The following PHPT1 variants were observed in gnomAD, a reference collection of about 807,000 sequenced individuals.
PHPT1 encodes 14 kDa phosphohistidine phosphatase.
PHPT1 carries 16 observed loss-of-function variants against 15.6 expected under a neutral mutation model. The observed-to-expected ratio is 1.03, with a 90% CI of 0.70 to 1.56. The LOEUF (loss-of-function observed/expected upper bound fraction) is 1.56. Among genes scored for constraint, PHPT1 ranks in the 40% most tolerant of loss-of-function variants. The pLI is 0.00. For synonymous variants in PHPT1, 102 were observed against 68.1 expected, an observed-to-expected ratio of 1.50 and a Z score of -2.45; for missense variants, 228 against 171.0, an observed-to-expected ratio of 1.33 and a Z score of -1.86.
chr9:136,850,922 G>A lies in PHPT1; in HGVS notation c.*75G>A, dbSNP rs1167033525. 8.8e-7 allele frequency: 1 copy of A among 1,136,722 alleles called. No homozygotes were observed. Among genetic ancestry groups the A allele is most frequent in the Admixed American group, 1.7e-5 (1 of 59,380 alleles). The allele number at this position is 1,136,722 out of a possible 1,614,324, so 70.4% of individuals were successfully genotyped here. ...CGCCTTTGCCTGCACTCCTCTTGCA[G>A]GGCTGGCCCTGCCTGCTCCTGCGGC... On this transcript the variant is annotated 3_prime_UTR_variant, in exon 3 of 3. Transcript: ENST00000247665.
intron 2 of PHPT1, chr9:136,850,443 GCAGT>G: frequency 6.9e-7 from 1 of 1,447,682 alleles, no homozygotes; most frequent in South Asian, 1.2e-5. Flanking sequence ...GCCCCCAGAG[GCAGT>G]CAGTACCTGG....
chr9:136,849,748 C>T (rs1383664700), intron 1 of PHPT1, 158 bp downstream of exon 1: 2 of 805,490 alleles, frequency 2.5e-6, no homozygotes, highest in Non-Finnish European at 3.7e-6. Flanking sequence ...GAGTCCTGCC[C>T]CTGCTAGGTT....
intron 1 of PHPT1, 34 bp downstream of exon 1, chr9:136,849,624 C>G (rs780766429): frequency 8.1e-7 from 1 of 1,240,344 alleles, no homozygotes; most frequent in East Asian, 5.2e-5. Context: ...GCCAGGGGCA[C>G]GCCTGGCGAG....
chr9:136,850,336 G>A (rs917846933), intron 2 of PHPT1, 199 bp downstream of exon 2: 1 of 846,678 alleles, frequency 1.2e-6, no homozygotes, highest in Non-Finnish European at 1.9e-6. Flanking sequence ...GACCTGAGGG[G>A]TGGGACGGAC....
At chr9:136,850,733 G>T (rs1011928156) in intron 2 of PHPT1, 22 bp from the exon 3 acceptor site, 15 of 1,597,846 alleles carry the variant, frequency 9.4e-6, no homozygotes, top group Non-Finnish European at 1.3e-5. Flanking sequence ...GGTAGTGCCA[G>T]CAGGCGTCTT....
chr9:136,849,838 C>A, intron 1 of PHPT1, 175 bp from the exon 2 acceptor site: 1 of 778,058 alleles, frequency 1.3e-6, no homozygotes, highest in East Asian at 2.6e-5. Context: ...TTCCCGCGCC[C>A]TCCCCGGTTC....
rs1848900417 is a variant in PHPT1, at chr9:136,850,857, G to C, written c.*10G>C. On this transcript the variant is annotated 3_prime_UTR_variant, in exon 3 of 3. Transcript: ENST00000247665. ...TAACGACGGCTACTGAGCACTCCCA[G>C]CCCGGGGCCTGCTGCCTCCAGCAGC... The C allele has an allele frequency of 1.8e-5, 29 of 1,605,760 alleles. No individual in the cohort carries two copies. The highest frequency in any genetic ancestry group is 2.5e-5 in the Non-Finnish European group (29 of 1,173,632).
At chr9:136,850,717 G>A (rs1564382767) in intron 2 of PHPT1, 38 bp from the exon 3 acceptor site, 2 of 1,560,958 alleles carry the variant, frequency 1.3e-6, no homozygotes, top group Admixed American at 1.7e-5. Context: ...CGGGTTGAAG[G>A]GTCCAGGTAG....
At chr9:136,850,475 C>T in intron 2 of PHPT1, 3 of 1,596,986 alleles carry the variant, frequency 1.9e-6, no homozygotes, top group Non-Finnish European at 2.6e-6. Flanking sequence ...TCAGAGTCCC[C>T]ACCTGTGCTC....
At chr9:136,850,213 AC>A in intron 2 of PHPT1, 76 bp downstream of exon 2, 2 of 1,591,848 alleles carry the variant, frequency 1.3e-6, no homozygotes, top group Non-Finnish European at 1.7e-6. Flanking sequence ...TGCTGCCCTG[AC>A]CCGTGGCCCC....
Position 136,850,112 on chromosome 9 carries a change from A to T in PHPT1, c.260A>T (p.Lys87Met). The T allele has an allele frequency of 6.2e-7, 1 of 1,613,192 alleles. No individual in the cohort carries two copies. The highest frequency in any genetic ancestry group is 8.5e-7 in the Non-Finnish European group (1 of 1,179,904). The change falls in exon 2 of 3, where the codon AAG becomes ATG. Residue 87 changes from lysine (K) to methionine (M), a missense_variant. Coordinates refer to ENST00000247665, the MANE Select transcript of PHPT1 (RefSeq NM_014172.6). ...ATCTCCCACCAGAGTCAGGACAAGA[A>T]GATTCACGTGTACGGCTATTCCATG... is the stretch of plus-strand genomic sequence containing the variant. ...GRISHQSQDK[K>M]IHVYGYSMAY...
chr9:136,849,660 G>A (rs1426378446), intron 1 of PHPT1, 70 bp downstream of exon 1: 2 of 1,021,196 alleles, frequency 2.0e-6, no homozygotes, highest in South Asian at 1.9e-5. Context: ...GCGGGACGGA[G>A]ACGGGGCTGA....
chr9:136,849,607 C>A lies in PHPT1; in HGVS notation c.160+17C>A. 1 of 1,162,378 alleles carries A rather than the reference C, an allele frequency of 8.6e-7. No individual in the cohort carries two copies. Among genetic ancestry groups the A allele is most frequent in the South Asian group, 1.4e-5 (1 of 72,702 alleles). 72.0% of individuals were successfully genotyped at this position (1,162,378 alleles called of 1,614,324 possible). On this transcript the variant is annotated intron_variant, in intron 1 of 2. Coordinates refer to ENST00000247665, the MANE Select transcript of PHPT1 (RefSeq NM_014172.6). ...AGTACCATGGTGAGGGCGGGACCTG[C>A]GGGCATGCCAGGGGCACGCCTGGCG...
chr9:136,850,448 C>T, intron 2 of PHPT1: 2 of 1,489,702 alleles, frequency 1.3e-6, no homozygotes, highest in Non-Finnish European at 9.3e-7. Flanking sequence ...CAGAGGCAGT[C>T]AGTACCTGGG....
rs1848845656 is a variant in PHPT1, at chr9:136,849,470, A to G, written c.40A>G (p.Ile14Val). The change falls in exon 1 of 3, where the codon ATC becomes GTC. Residue 14 changes from isoleucine to valine, a missense_variant. Coordinates refer to ENST00000247665, the MANE Select transcript of PHPT1 (RefSeq NM_014172.6). ...ADLALIPDVDIDSDGVFKYVL... is the reference protein window; with the variant it reads ...ADLALIPDVDVDSDGVFKYVL... ...CCTCGCTCTCATTCCTGATGTGGAC[A>G]TCGACTCCGACGGCGTCTTCAAGTA... 3.1e-6 allele frequency: 5 copies of G among 1,610,918 alleles called. No individual in the cohort carries two copies. The highest frequency in any genetic ancestry group is 1.3e-5 in the African/African-American group (1 of 74,816).
At chr9:136,850,311 A>G in intron 2 of PHPT1, 174 bp downstream of exon 2, 6 of 883,132 alleles carry the variant, frequency 6.8e-6, no homozygotes, top group Admixed American at 2.2e-5. Flanking sequence ...GCATTCCCCC[A>G]TGGAGCACAC....
intron 2 of PHPT1, 59 bp downstream of exon 2, chr9:136,850,196 C>T: frequency 6.2e-7 from 1 of 1,606,860 alleles, no homozygotes; most frequent in Non-Finnish European, 8.5e-7. Flanking sequence ...CGAGGCCCAC[C>T]TGAGCCTGCT....
intron 2 of PHPT1, chr9:136,850,354 G>A: frequency 1.2e-6 from 1 of 851,912 alleles, no homozygotes; most frequent in Non-Finnish European, 1.9e-6. Context: ...GACACCCCCA[G>A]ACATGGCCGG....
chr9:136,850,031 T>A lies in PHPT1; in HGVS notation c.179T>A (p.Val60Glu). 1 of 1,612,774 alleles carries A rather than the reference T, an allele frequency of 6.2e-7. No individual in the cohort carries two copies. The highest frequency in any genetic ancestry group is 8.5e-7 in the Non-Finnish European group (1 of 1,179,752). Reference protein sequence around the residue: ...AEYHADIYDKVSGDMQKQGCD... With the variant: ...AEYHADIYDKESGDMQKQGCD... ...ATCCCAGCGGACATCTACGACAAAG[T>A]GTCGGGCGACATGCAGAAGCAAGGC... is the stretch of plus-strand genomic sequence containing the variant. Residue 60 changes from valine to glutamate, a missense_variant, in exon 2 of 3, where the codon GTG (valine) becomes GAG (glutamate). By Grantham distance (121) the Val-to-Glu change is moderately radical. Coordinates refer to ENST00000247665, the MANE Select transcript of PHPT1 (RefSeq NM_014172.6).
Sources: gnomAD v4.1 joint callset for allele counts on GRCh38, gnomAD v4.1.1 for gene constraint, MANE v1.5 for transcripts, NCBI Gene and HGNC (gene_info 2026-07-23, HGNC 2026-07-21) for gene names.